RORA: variants seen among roughly 807,000 people sequenced by gnomAD.
RORA encodes nuclear receptor ROR-alpha.
Under a neutral mutation model 69.5 loss-of-function variants are expected in RORA, and 7 were observed. That is an observed-to-expected ratio of 0.10 (90% CI 0.06 to 0.19). The LOEUF is 0.19. Among genes scored for constraint, RORA ranks in the 10% least tolerant of loss-of-function variants. RORA has a pLI of 1.00. For synonymous variants in RORA, 261 were observed against 240.8 expected (o/e 1.08, Z -0.78); for missense variants, 457 against 663.0 (o/e 0.69, Z 3.41).
At chr15:61,184,315 T>C (rs2079718106) in intron 1 of RORA, among the ~76,000 whole-genome samples, 1 of 152,140 alleles carries the variant, frequency 6.6e-6, no homozygotes, top group Non-Finnish European at 1.5e-5. Flanking sequence ...TCACCTCCTT[T>C]TCAGTCCAGA....
At position 60,499,961 on chromosome 15, in the gene RORA, T is replaced by C; in HGVS notation, c.1338A>G (p.Gln446=). The C allele has an allele frequency of 6.2e-7, 1 of 1,613,490 alleles. No individual in the cohort carries two copies. The highest frequency in any genetic ancestry group is 8.5e-7 in the Non-Finnish European group (1 of 1,179,702). The change falls in exon 10 of 11, where the codon CAA becomes CAG. Residue 446 remains glutamine, a synonymous_variant. Coordinates refer to ENST00000335670, the MANE Select transcript of RORA (RefSeq NM_134261.3). ...GTTGAAGAGCTAGCTGAATTTTCTG[T>C]TGCAGTTTTTCAATTTTTACCTTTT... ...LQEKVKIEKL[Q]QKIQLALQHV... is the part of the protein sequence containing the mutation.
At chr15:60,818,336 G>C (rs2140375156) in intron 1 of RORA, among the ~76,000 whole-genome samples, 1 of 152,276 alleles carries the variant, frequency 6.6e-6, no homozygotes, top group South Asian at 2.1e-4. Context: ...CATAAGAGAA[G>C]TGAAGAGGGA....
intron 1 of RORA, among the ~76,000 whole-genome samples, chr15:61,198,051 G>A (rs757647397): frequency 7.9e-5 from 12 of 152,102 alleles, no homozygotes; most frequent in Non-Finnish European, 1.2e-4. Flanking sequence ...TTTTATAAAC[G>A]CAACAGGGCC....
At chr15:61,154,843 C>T (rs2079428798) in intron 1 of RORA, among the ~76,000 whole-genome samples, 1 of 152,026 alleles carries the variant, frequency 6.6e-6, no homozygotes, top group African/African-American at 2.4e-5. Context: ...TCGGCTGGCT[C>T]AAGAATAGAG....
In RORA at chr15:60,542,322, A is replaced by G. The variant is rs543649328; in HGVS notation, c.197-10471T>C. On this transcript the variant is annotated intron_variant, in intron 2 of 10. Coordinates refer to ENST00000335670, the MANE Select transcript of RORA (RefSeq NM_134261.3). ...CCATCTTAAATGGTAACACAGGCAC[A>G]CACACACCACACATACACACACATA... 2.6e-5 allele frequency among the ~76,000 whole-genome samples: 4 copies of G among 151,084 alleles called. No individual in the cohort carries two copies. The South Asian group carries it at 8.3e-4, about 31-fold the overall frequency.
intron 2 of RORA, among the ~76,000 whole-genome samples, chr15:60,558,561 G>A (rs1025387810): frequency 6.6e-6 from 1 of 152,110 alleles, no homozygotes; most frequent in African/African-American, 2.4e-5. Flanking sequence ...TAGTAATTTC[G>A]ATTCAGTAAA....
chr15:60,744,393 G>A (rs1175441891), intron 1 of RORA, among the ~76,000 whole-genome samples: 1 of 152,190 alleles, frequency 6.6e-6, no homozygotes, highest in East Asian at 1.9e-4. Flanking sequence ...TCAGTTTCCA[G>A]AGGACAGACT....
intron 2 of RORA, among the ~76,000 whole-genome samples, chr15:60,645,317 A>G (rs1298260731): frequency 1.3e-5 from 2 of 151,856 alleles, no homozygotes; most frequent in African/African-American, 4.8e-5. Context: ...AAAAGGACAA[A>G]GGAGGGAGAT....
intron 1 of RORA, among the ~76,000 whole-genome samples, chr15:61,002,763 C>T (rs1248016397): frequency 6.6e-6 from 1 of 152,040 alleles, no homozygotes; most frequent in African/African-American, 2.4e-5. Flanking sequence ...TTATTAGATA[C>T]ACCCAGCCAG....
At chr15:61,137,631 ACCT>A (rs1284866850) in intron 1 of RORA, among the ~76,000 whole-genome samples, 8 of 151,944 alleles carry the variant, frequency 5.3e-5, no homozygotes, top group Non-Finnish European at 1.0e-4. Flanking sequence ...CCACAAACAC[ACCT>A]CCTCTTGGGC....
intron 1 of RORA, among the ~76,000 whole-genome samples, chr15:61,008,757 C>G (rs1348026595): frequency 6.6e-6 from 1 of 152,092 alleles, no homozygotes; most frequent in African/African-American, 2.4e-5. Flanking sequence ...GTACACTATG[C>G]TTTAGAAAAG....
At chr15:60,588,898 G>A (rs1327683996) in intron 2 of RORA, among the ~76,000 whole-genome samples, 1 of 152,150 alleles carries the variant, frequency 6.6e-6, no homozygotes, top group Non-Finnish European at 1.5e-5. Context: ...AAAATCAAGA[G>A]GCTGCCCATG....
At chr15:60,928,557 AC>A (rs1315478545) in intron 1 of RORA, among the ~76,000 whole-genome samples, 2 of 152,184 alleles carry the variant, frequency 1.3e-5, no homozygotes, top group Non-Finnish European at 2.9e-5. Context: ...GAGAGGTTAA[AC>A]TAATACAATG....
intron 1 of RORA, among the ~76,000 whole-genome samples, chr15:61,040,608 T>C (rs1290006019): frequency 6.6e-6 from 1 of 152,068 alleles, no homozygotes; most frequent in Admixed American, 6.6e-5. Context: ...GTACACTAGG[T>C]AGACCGTACA....
At chr15:60,614,773 C>G in intron 2 of RORA, 6 of 777,002 alleles carry the variant, frequency 7.7e-6, no homozygotes, top group Admixed American at 2.9e-5. Context: ...AAATAGGATA[C>G]TTAATATTTA....
chr15:60,834,660 T>G (rs4775301), intron 1 of RORA, among the ~76,000 whole-genome samples: 1 of 152,046 alleles, frequency 6.6e-6, no homozygotes, highest in Non-Finnish European at 1.5e-5. Context: ...ACAAAGCCCA[T>G]GGGGGAAGAA....
intron 1 of RORA, among the ~76,000 whole-genome samples, chr15:60,882,664 C>T (rs2073697454): frequency 6.6e-6 from 1 of 150,824 alleles, no homozygotes; most frequent in African/African-American, 2.4e-5. Flanking sequence ...CACACACACA[C>T]ACACACAAAC....
intron 2 of RORA, among the ~76,000 whole-genome samples, chr15:60,571,698 G>A (rs1465332383): frequency 6.6e-6 from 1 of 152,148 alleles, no homozygotes; most frequent in Non-Finnish European, 1.5e-5. Context: ...AAAGTTAGCA[G>A]ATTGCACTAG....
At chr15:60,567,577 AT>A (rs1332922496) in intron 2 of RORA, among the ~76,000 whole-genome samples, 2 of 151,728 alleles carry the variant, frequency 1.3e-5, no homozygotes, top group African/African-American at 4.8e-5. Context: ...CACCCAACTA[AT>A]TTTTGTATTT....
Sources: gnomAD v4.1 joint callset for allele counts (sites outside exome capture counted in the v4.1 genomes callset) on GRCh38, gnomAD v4.1.1 for gene constraint, MANE v1.5 for transcripts, NCBI Gene and HGNC (gene_info 2026-07-23, HGNC 2026-07-21) for gene names.